Variants in SLC35F5 observed in about 807,000 individuals in gnomAD.
The protein encoded by SLC35F5 is solute carrier family 35 member F5.
SLC35F5 carries 54 observed loss-of-function variants against 68.6 expected under a neutral mutation model. The ratio of observed to expected loss-of-function variants is 0.79; its 90% CI spans 0.63 to 0.99. The LOEUF is 0.99. SLC35F5 is among the 50% of genes least tolerant of loss of function. The pLI, the probability that SLC35F5 is intolerant of heterozygous loss-of-function variation, is 0.00. For missense variants in SLC35F5, 567 were observed against 626.9 expected, an observed-to-expected ratio of 0.90 and a Z score of 1.02; for synonymous variants, 211 against 205.2, an observed-to-expected ratio of 1.03 and a Z score of -0.24.
At chr2:113,728,050 G>T (rs561011135) in intron 11 of SLC35F5, among the ~76,000 whole-genome samples, 2 of 152,202 alleles carry the variant, frequency 1.3e-5, no homozygotes, top group East Asian at 3.9e-4. Flanking sequence ...AGAGTGCAGA[G>T]ACACAATCAT....
At chr2:113,737,592 A>G (rs1443670561) in intron 7 of SLC35F5, among the ~76,000 whole-genome samples, 1 of 152,208 alleles carries the variant, frequency 6.6e-6, no homozygotes, top group Non-Finnish European at 1.5e-5. Flanking sequence ...TTCTCTTACT[A>G]TTTTTATACT....
At chr2:113,737,319 G>T (rs1209624111) in intron 7 of SLC35F5, among the ~76,000 whole-genome samples, 1 of 152,158 alleles carries the variant, frequency 6.6e-6, no homozygotes, top group Non-Finnish European at 1.5e-5. Context: ...CTGTACTCAA[G>T]GCTAAAGCCA....
intron 11 of SLC35F5, among the ~76,000 whole-genome samples, chr2:113,727,836 G>A (rs1016061997): frequency 2.6e-5 from 4 of 151,996 alleles, no homozygotes; most frequent in Non-Finnish European, 1.5e-5. Flanking sequence ...TCCCTAATAT[G>A]AGTAAATTAA....
intron 15 of SLC35F5, among the ~76,000 whole-genome samples, chr2:113,717,066 G>C (rs1574206981): frequency 6.6e-6 from 1 of 152,242 alleles, no homozygotes; most frequent in Admixed American, 6.5e-5. Flanking sequence ...AGTTTTTTGT[G>C]ATCTTTCATT....
At position 113,755,261 on chromosome 2, in the gene SLC35F5, C is replaced by G. The variant is rs1208308821; in HGVS notation, c.177G>C (p.Gln59His). 1.9e-6 allele frequency: 3 copies of G among 1,614,144 alleles called. No individual in the cohort carries two copies. The highest frequency in any genetic ancestry group is 1.6e-4 in the Middle Eastern group (1 of 6,062). Residue 59 changes from glutamine to histidine, a missense_variant, in exon 3 of 16, where the codon CAG (glutamine) becomes CAC (histidine). Transcript: ENST00000245680. ...CVFVMNRMNS[Q>H]NSGFTQRRRM... ...GCCTGCGCTGAGTGAAACCACTGTT[C>G]TGGGAATTCATTCGGTTCATGACAA...
chr2:113,742,623 G>A (rs1265587394), intron 7 of SLC35F5, 69 bp downstream of exon 7: 1 of 1,450,646 alleles, frequency 6.9e-7, no homozygotes, highest in East Asian at 2.3e-5. Context: ...ATCCTATATT[G>A]TTGGTATGTA....
At chr2:113,754,284 G>C (rs902609735) in intron 3 of SLC35F5, among the ~76,000 whole-genome samples, 8 of 133,184 alleles carry the variant, frequency 6.0e-5, no homozygotes, top group Admixed American at 1.7e-4. Context: ...AGCAGAGCAA[G>C]ACTCCATCTC....
At chr2:113,717,306 C>T (rs1040391858) in intron 15 of SLC35F5, 6 of 152,180 alleles carry the variant, frequency 3.9e-5, no homozygotes, top group African/African-American at 1.4e-4. Context: ...CACATAAAGA[C>T]TAGTATTTTC....
At chr2:113,704,766 C>T (rs559019400), downstream of SLC35F5, among the ~76,000 whole-genome samples, 8 of 152,212 alleles carry the variant, frequency 5.3e-5, no homozygotes, top group South Asian at 1.2e-3. Flanking sequence ...CGCGCAGCCC[C>T]TGTTCCCGCC....
Position 113,755,500 on chromosome 2 carries a change from A to T in SLC35F5, c.85T>A (p.Phe29Ile). ...AGATCCTCAAGAGCAATGCCGGAAA[A>T]CTTGGCAGATCTCAGTCTAAAAGGA... ...SPPFRLRSAK[F>I]SGIALEDLRR... is the part of the protein sequence containing the mutation. The change falls in exon 2 of 16, where the codon TTT becomes ATT. Residue 29 changes from phenylalanine (F) to isoleucine (I), a missense_variant. Coordinates refer to ENST00000245680, the MANE Select transcript of SLC35F5 (RefSeq NM_025181.5). 6.2e-7 allele frequency: 1 copy of T among 1,614,154 alleles called. No individual in the cohort carries two copies. Among genetic ancestry groups the T allele is most frequent in the Non-Finnish European group, 8.5e-7 (1 of 1,180,004 alleles).
intron 15 of SLC35F5, among the ~76,000 whole-genome samples, chr2:113,716,762 A>C (rs563203904): frequency 6.6e-6 from 1 of 152,226 alleles, no homozygotes; most frequent in Non-Finnish European, 1.5e-5. Flanking sequence ...GGGCAGGGGT[A>C]ACTGCCTTGT....
rs1676323825 is a variant in SLC35F5 at position 113,742,696 on chromosome 2, A to G, written c.746T>C (p.Phe249Ser). The G allele has an allele frequency of 6.2e-7, 1 of 1,613,954 alleles. No individual in the cohort carries two copies. The highest frequency in any genetic ancestry group is 8.5e-7 in the Non-Finnish European group (1 of 1,179,966). The change falls in exon 7 of 16, where the codon TTT (phenylalanine) becomes TCT (serine). Residue 249 changes from phenylalanine (F) to serine (S), a missense_variant. By Grantham distance (155) the Phe-to-Ser change is radical (BLOSUM62 -2). Coordinates refer to ENST00000245680, the MANE Select transcript of SLC35F5 (RefSeq NM_025181.5). ...QVAKISFFFCFVWFLANLSYQ... is the reference protein window; with the variant it reads ...QVAKISFFFCSVWFLANLSYQ... ...AACATATCATAAAAGACCTACCACAAAGCAAAAAAAAAAGCTAATTTTCGC... is the reference window on the plus strand; with the variant it reads ...AACATATCATAAAAGACCTACCACAGAGCAAAAAAAAAAGCTAATTTTCGC...
intron 4 of SLC35F5, among the ~76,000 whole-genome samples, chr2:113,748,301 G>C (rs1676594614): frequency 6.8e-6 from 1 of 147,572 alleles, no homozygotes; most frequent in Non-Finnish European, 1.5e-5. Context: ...GACTAACCGG[G>C]ATTACAGGAG....
At chr2:113,718,912 A>G (rs1429240639) in intron 14 of SLC35F5, among the ~76,000 whole-genome samples, 1 of 82,482 alleles carries the variant, frequency 1.2e-5, no homozygotes, top group African/African-American at 3.7e-5. Flanking sequence ...AAAGAAAGAA[A>G]GAAAGAAAGA....
chr2:113,729,540 A>G (rs1312273391), intron 10 of SLC35F5, 35 bp from the exon 11 acceptor site: 1 of 1,128,322 alleles, frequency 8.9e-7, no homozygotes, highest in Non-Finnish European at 1.3e-6. Flanking sequence ...GCAATCACTC[A>G]TTAGCTCATT....
chr2:113,743,623 C>CT, intron 6 of SLC35F5, 90 bp downstream of exon 6: 1 of 970,878 alleles, frequency 1.0e-6, no homozygotes, highest in Non-Finnish European at 1.6e-6. Context: ...AGCAGAACTG[C>CT]TACATGTTTC....
intron 13 of SLC35F5, among the ~76,000 whole-genome samples, chr2:113,722,067 C>T (rs1398770630): frequency 4.0e-5 from 6 of 150,514 alleles, no homozygotes; most frequent in South Asian, 2.1e-4. Context: ...CTCCGCCTCC[C>T]GGGTTCAAGT....
intron 4 of SLC35F5, among the ~76,000 whole-genome samples, chr2:113,749,532 C>T (rs1190171021): frequency 6.6e-6 from 1 of 151,906 alleles, no homozygotes; most frequent in African/African-American, 2.4e-5. Context: ...AAAGGATGTA[C>T]TTATTAGATA....
chr2:113,733,324 C>T (rs1479999812), intron 9 of SLC35F5: 3 of 296,992 alleles, frequency 1.0e-5, no homozygotes, highest in South Asian at 8.9e-5. Flanking sequence ...CGTCTACCTA[C>T]TTTAATGAGA....
Sources: gnomAD v4.1 joint callset for allele counts (sites outside exome capture counted in the v4.1 genomes callset) on GRCh38, gnomAD v4.1.1 for gene constraint, MANE v1.5 for transcripts, NCBI Gene and HGNC (gene_info 2026-07-23, HGNC 2026-07-21) for gene names.